GPRIN3: variants seen among roughly 807,000 people sequenced by gnomAD.
GPRIN3 encodes the protein G protein-regulated inducer of neurite outgrowth 3.
Under a neutral mutation model 13.7 loss-of-function variants are expected in GPRIN3, and 12 were observed. The observed-to-expected ratio is 0.87, with a 90% confidence interval of 0.56 to 1.42. GPRIN3 has a LOEUF of 1.42. Among genes scored for constraint, GPRIN3 ranks in the 40% most tolerant of loss-of-function variants. GPRIN3 has a pLI of 0.00. For missense variants in GPRIN3, 1,009 were observed against 958.7 expected (o/e 1.05, Z -0.69); for synonymous variants, 377 against 372.7 (o/e 1.01, Z -0.13).
chr4:89,250,984 T>A (rs1284324020), intron 1 of GPRIN3: 1 of 152,000 alleles, frequency 6.6e-6, no homozygotes, highest in Non-Finnish European at 1.5e-5. Flanking sequence ...TAAATAAAAT[T>A]CAAAACCTGA....
chr4:89,281,750 G>C (rs1171952737), intron 1 of GPRIN3, among the ~76,000 whole-genome samples: 1 of 152,074 alleles, frequency 6.6e-6, no homozygotes, highest in Non-Finnish European at 1.5e-5. Context: ...CCAGTTTGTG[G>C]TATTTTGTTA....
At position 89,249,848 on chromosome 4, in the gene GPRIN3, T is replaced by C. The variant is rs887618987; in HGVS notation, c.263A>G (p.Gln88Arg). The change falls in exon 2 of 2, where the codon CAG becomes CGG. Residue 88 changes from glutamine (Q) to arginine (R), a missense_variant. Gln to Arg is a conservative substitution (Grantham distance 43, BLOSUM62 1). Coordinates refer to ENST00000609438, the MANE Select transcript of GPRIN3 (RefSeq NM_198281.3). ...MSSPGVFNEV[Q>R]KAPATFNSPG... ...AGAGTTGAATGTGGCAGGTGCTTTC[T>C]GCACTTCATTGAACACACCAGGAGA... The C allele has an allele frequency of 6.2e-7, 1 of 1,614,200 alleles. No individual in the cohort carries two copies. The highest frequency in any genetic ancestry group is 8.5e-7 in the Non-Finnish European group (1 of 1,180,022).
At chr4:89,292,753 C>T (rs192431234) in intron 1 of GPRIN3, among the ~76,000 whole-genome samples, 89 of 152,268 alleles carry the variant, frequency 5.8e-4, no homozygotes, top group Non-Finnish European at 1.1e-3. Context: ...GCAAGAGACT[C>T]AAAACAAAAC....
chr4:89,269,984 C>T (rs1422206669), intron 1 of GPRIN3, among the ~76,000 whole-genome samples: 1 of 152,044 alleles, frequency 6.6e-6, no homozygotes, highest in Non-Finnish European at 1.5e-5. Flanking sequence ...ATGTGCAAAT[C>T]TTGAGTATTA....
intron 1 of GPRIN3, among the ~76,000 whole-genome samples, chr4:89,255,996 C>T (rs1723455282): frequency 1.3e-5 from 2 of 152,142 alleles, no homozygotes; most frequent in African/African-American, 4.8e-5. Flanking sequence ...AAGCCTTGTT[C>T]TGGTAATACA....
chr4:89,276,963 C>T (rs1724110891), intron 1 of GPRIN3, among the ~76,000 whole-genome samples: 2 of 152,056 alleles, frequency 1.3e-5, no homozygotes, highest in South Asian at 2.1e-4. Context: ...CTGGTTTAGG[C>T]GGACCTATGT....
In GPRIN3 at chr4:89,246,736, C is replaced by T. The variant is rs1450886638; in HGVS notation, c.*1044G>A. ...CATTTGTTACTGGAAGTTACTGAAC[C>T]CAATTAAAAAAAATCACTAATTGCA... On this transcript the variant is annotated 3_prime_UTR_variant, in exon 2 of 2. Coordinates refer to ENST00000609438, the MANE Select transcript of GPRIN3 (RefSeq NM_198281.3). The T allele has an allele frequency of 6.6e-6, 1 of 151,886 alleles. No individual in the cohort carries two copies. Among genetic ancestry groups the T allele is most frequent in the Non-Finnish European group, 1.5e-5 (1 of 67,960 alleles). The allele number at this position is 151,886 out of a possible 1,614,324, so 9.4% of individuals were successfully genotyped here. A position where few individuals can be genotyped will look rare whatever the true frequency, so the allele number is the denominator to read the frequency against.
intron 1 of GPRIN3, among the ~76,000 whole-genome samples, chr4:89,274,164 T>C (rs918326978): frequency 2.6e-5 from 4 of 152,232 alleles, no homozygotes; most frequent in Admixed American, 1.3e-4. Flanking sequence ...ATCTAGCACG[T>C]ACAGCAACAC....
Position 89,248,635 on chromosome 4 carries a change from T to C in GPRIN3, c.1476A>G (p.Pro492=), listed in dbSNP as rs769229075. 3 of 1,614,176 alleles carry C rather than the reference T, an allele frequency of 1.9e-6. No homozygotes were observed. In the South Asian group the frequency reaches 3.3e-5, roughly 18 times the overall value. Residue 492 remains proline, a synonymous_variant, in exon 2 of 2, where the codon CCA becomes CCG. Coordinates refer to ENST00000609438, the MANE Select transcript of GPRIN3 (RefSeq NM_198281.3). ...SYGLGKFETR[P]SEFAEKTTNG... ...TTGTCGTTTTCTCTGCAAACTCAGA[T>C]GGCCTGGTTTCAAATTTCCCCAATC...
chr4:89,304,991 A>C (rs1561239820), intron 1 of GPRIN3, among the ~76,000 whole-genome samples: 1 of 152,176 alleles, frequency 6.6e-6, no homozygotes, highest in Non-Finnish European at 1.5e-5. Flanking sequence ...TAGATATTTG[A>C]AGAATATAAA....
rs1723109506 is a variant in GPRIN3, at chr4:89,246,643, C to A, written c.*1137G>T. ...TTTTACTCCAGCATATATATTTAAG[C>A]AATTAGATGATAGTAGTCTATGTAC... On this transcript the variant is annotated 3_prime_UTR_variant, in exon 2 of 2. Transcript: ENST00000609438. The A allele has an allele frequency of 6.6e-6, 1 of 152,110 alleles. No individual in the cohort carries two copies. The highest frequency in any genetic ancestry group is 1.5e-5 in the Non-Finnish European group (1 of 68,022). 9.4% of individuals were successfully genotyped at this position (152,110 alleles called of 1,614,324 possible).
intron 1 of GPRIN3, among the ~76,000 whole-genome samples, chr4:89,299,352 A>G (rs1355063487): frequency 1.3e-5 from 2 of 152,144 alleles, no homozygotes; most frequent in South Asian, 2.1e-4. Context: ...GTTTTTAGAA[A>G]TAAAGTAGGA....
rs1725071828 is a variant in GPRIN3, at chr4:89,307,615, C to T, written c.-124G>A. 1 of 152,314 alleles carries T rather than the reference C, an allele frequency of 6.6e-6. No homozygotes were observed. Among genetic ancestry groups the T allele is most frequent in the South Asian group, 2.1e-4 (1 of 4,830 alleles). The allele number at this position is 152,314 out of a possible 1,614,324, so 9.4% of individuals were successfully genotyped here. On this transcript the variant is annotated splice_region_variant and 5_prime_UTR_variant, in exon 1 of 2. Transcript: ENST00000609438. Reference sequence around the variant, plus strand: ...GAGGTGCGCAGGGGGCGTCTCCTACCTGCTCTGCCCGGCTCCGCGGCGCGG... The same window carrying T: ...GAGGTGCGCAGGGGGCGTCTCCTACTTGCTCTGCCCGGCTCCGCGGCGCGG...
rs1280340147 is a variant in GPRIN3 at position 89,243,675 on chromosome 4, A to T, written c.*4105T>A. 2 of 152,256 alleles carry T rather than the reference A, an allele frequency of 1.3e-5. No homozygotes were observed. Among genetic ancestry groups the T allele is most frequent in the Admixed American group, 6.5e-5 (1 of 15,288 alleles). The allele number at this position is 152,256 out of a possible 1,614,324, so 9.4% of individuals were successfully genotyped here. A position where few individuals can be genotyped will look rare whatever the true frequency, so the allele number is the denominator to read the frequency against. ...CCTCACTTCTCAAACACCACTTAGAACAAAGCAGGAGAGAGTAAACAGCAT... is the reference window on the plus strand; with the variant it reads ...CCTCACTTCTCAAACACCACTTAGATCAAAGCAGGAGAGAGTAAACAGCAT... On this transcript the variant is annotated 3_prime_UTR_variant, in exon 2 of 2. Coordinates refer to ENST00000609438, the MANE Select transcript of GPRIN3 (RefSeq NM_198281.3).
chr4:89,258,224 C>A (rs1723531911), intron 1 of GPRIN3, among the ~76,000 whole-genome samples: 1 of 125,628 alleles, frequency 8.0e-6, no homozygotes, highest in African/African-American at 2.9e-5. Flanking sequence ...AATGGTTAAG[C>A]CTGAGCATTT....
chr4:89,283,414 C>T (rs1008492197), intron 1 of GPRIN3, among the ~76,000 whole-genome samples: 14 of 152,162 alleles, frequency 9.2e-5, no homozygotes, highest in Middle Eastern at 3.4e-3. Flanking sequence ...GGAAAGCTTC[C>T]GGGGAACCAG....
intron 1 of GPRIN3, chr4:89,251,226 T>C (rs1723316639): frequency 6.6e-6 from 1 of 152,198 alleles, no homozygotes; most frequent in South Asian, 2.1e-4. Flanking sequence ...TCAAATTCAT[T>C]TGTAGTCAAA....
In GPRIN3 at chr4:89,249,542, G is replaced by A. The variant is rs763784358; in HGVS notation, c.569C>T (p.Pro190Leu). Residue 190 changes from proline (P) to leucine (L), a missense_variant, in exon 2 of 2, where the codon CCT (proline) becomes CTT (leucine). Physicochemically the swap from Pro to Leu is moderately conservative, Grantham distance 98. Transcript: ENST00000609438. ...SSKDQVSCEFPSPETIQGTVQ... is the reference protein window; with the variant it reads ...SSKDQVSCEFLSPETIQGTVQ... ...TGTTCCCTGGATTGTTTCTGGAGAAGGAAACTCACAGGACACCTGATCTTT... is the reference window on the plus strand; with the variant it reads ...TGTTCCCTGGATTGTTTCTGGAGAAAGAAACTCACAGGACACCTGATCTTT... 1 of 1,614,158 alleles carries A rather than the reference G, an allele frequency of 6.2e-7. No homozygotes were observed.
chr4:89,274,764 G>A (rs1487718928), intron 1 of GPRIN3, among the ~76,000 whole-genome samples: 1 of 152,202 alleles, frequency 6.6e-6, no homozygotes, highest in Non-Finnish European at 1.5e-5. Flanking sequence ...GAACTTGTAG[G>A]ATGAGGCAGA....
Sources: gnomAD v4.1 joint callset for allele counts (sites outside exome capture counted in the v4.1 genomes callset) on GRCh38, gnomAD v4.1.1 for gene constraint, MANE v1.5 for transcripts, NCBI Gene and HGNC (gene_info 2026-07-23, HGNC 2026-07-21) for gene names.